Variants in RPSA2 observed in about 807,000 individuals in gnomAD.
RPSA2 encodes the protein small ribosomal subunit protein uS2B.
the RPSA2 span, among the ~76,000 whole-genome samples, chr19:23,847,153 T>C: frequency 6.6e-6 from 1 of 152,090 alleles, no homozygotes; most frequent in Non-Finnish European, 1.5e-5. Context: ...TATTGAATTT[T>C]TGAATGTATT....
chr19:23,870,153 C>T, the RPSA2 span, among the ~76,000 whole-genome samples: 77 of 152,324 alleles, frequency 5.1e-4, no homozygotes, highest in Middle Eastern at 3.4e-3. Context: ...GAGCCTCAGG[C>T]ATCATAATTT....
At chr19:23,833,059 T>C in the RPSA2 span, 1 of 1,332,194 alleles carries the variant, frequency 7.5e-7, no homozygotes, top group Non-Finnish European at 9.8e-7. Flanking sequence ...ACCCTACAAG[T>C]GTGAAGAATG....
chr19:23,759,004 G>A, the RPSA2 span: 7,699 of 568,422 alleles, frequency 0.014, 81 homozygotes, highest in Non-Finnish European at 0.016. Context: ...CACCCCTCAG[G>A]TCCTGAGTGA....
At chr19:23,811,660 T>A in the RPSA2 span, among the ~76,000 whole-genome samples, 1 of 150,458 alleles carries the variant, frequency 6.6e-6, no homozygotes. Context: ...AATTAGGTAA[T>A]TAGTATGCAG....
At chr19:23,868,426 A>G in the RPSA2 span, among the ~76,000 whole-genome samples, 1 of 152,256 alleles carries the variant, frequency 6.6e-6, no homozygotes, top group Admixed American at 6.5e-5. Flanking sequence ...AAACTTTCCT[A>G]CAGCTTTGGG....
the RPSA2 span, among the ~76,000 whole-genome samples, chr19:23,758,538 G>A: frequency 6.6e-6 from 1 of 152,190 alleles, no homozygotes; most frequent in Non-Finnish European, 1.5e-5. Context: ...AGAGAGAGCT[G>A]CAGGCCAGGA....
At chr19:23,849,049 G>C in the RPSA2 span, among the ~76,000 whole-genome samples, 1 of 152,218 alleles carries the variant, frequency 6.6e-6, no homozygotes, top group Non-Finnish European at 1.5e-5. Flanking sequence ...ATTCCTTCTT[G>C]AGCTCGAACC....
At chr19:23,833,034 T>C in the RPSA2 span, 1 of 1,377,794 alleles carries the variant, frequency 7.3e-7, no homozygotes, top group Non-Finnish European at 9.5e-7. Context: ...ATAAGAGAAT[T>C]CATACTGGAA....
chr19:23,791,621 A>G, the RPSA2 span, among the ~76,000 whole-genome samples: 2 of 152,202 alleles, frequency 1.3e-5, no homozygotes, highest in Admixed American at 6.5e-5. Flanking sequence ...GCTTACAGCA[A>G]AATACTAAAT....
chr19:23,843,875 G>A, the RPSA2 span, among the ~76,000 whole-genome samples: 3 of 151,922 alleles, frequency 2.0e-5, no homozygotes, highest in African/African-American at 7.3e-5. Flanking sequence ...TTCTCCCGCC[G>A]CAGCCTTCTG....
At chr19:23,856,656 G>T in the RPSA2 span, among the ~76,000 whole-genome samples, 2 of 152,096 alleles carry the variant, frequency 1.3e-5, no homozygotes, top group African/African-American at 4.8e-5. Flanking sequence ...TTTCAACATA[G>T]GTTCTTTCTA....
At chr19:23,835,977 AATTATAAGAATATAT>A in the RPSA2 span, among the ~76,000 whole-genome samples, 101 of 152,288 alleles carry the variant, frequency 6.6e-4, no homozygotes, top group African/African-American at 2.1e-3. Context: ...ACTGGTCTGT[AATTATAAGAATATAT>A]ATTTTTTTAA....
At chr19:23,774,212 A>T in the RPSA2 span, among the ~76,000 whole-genome samples, 2 of 152,214 alleles carry the variant, frequency 1.3e-5, no homozygotes, top group East Asian at 1.9e-4. Flanking sequence ...CACCCAGGTT[A>T]TGTGACTCTC....
At chr19:23,851,741 T>C in the RPSA2 span, among the ~76,000 whole-genome samples, 2 of 152,168 alleles carry the variant, frequency 1.3e-5, no homozygotes, top group South Asian at 4.1e-4. Context: ...GAGCCATCAG[T>C]GAACGCTGTA....
At chr19:23,804,949 A>G in the RPSA2 span, among the ~76,000 whole-genome samples, 12 of 151,940 alleles carry the variant, frequency 7.9e-5, no homozygotes, top group African/African-American at 2.9e-4. Context: ...TGACGAGTTC[A>G]AGATACATTT....
At chr19:23,784,429 G>A in the RPSA2 span, among the ~76,000 whole-genome samples, 5 of 152,214 alleles carry the variant, frequency 3.3e-5, no homozygotes, top group South Asian at 2.1e-4. Context: ...ACATCTGGCC[G>A]CAGTTGAGAT....
the RPSA2 span, among the ~76,000 whole-genome samples, chr19:23,774,413 C>T: frequency 6.6e-6 from 1 of 152,146 alleles, no homozygotes; most frequent in Non-Finnish European, 1.5e-5. Context: ...CCGTACCAAA[C>T]AAATGTGATT....
chr19:23,843,875 G>T, the RPSA2 span, among the ~76,000 whole-genome samples: 10 of 152,040 alleles, frequency 6.6e-5, no homozygotes, highest in East Asian at 7.7e-4. Flanking sequence ...TTCTCCCGCC[G>T]CAGCCTTCTG....
chr19:23,793,565 CT>C, the RPSA2 span, among the ~76,000 whole-genome samples: 36 of 145,880 alleles, frequency 2.5e-4, no homozygotes, highest in Admixed American at 8.9e-4. Context: ...AAGCAATCTT[CT>C]TTTTTTTTTT....
Sources: allele counts gnomAD v4.1 joint callset (sites outside exome capture counted in the v4.1 genomes callset), GRCh38; gene constraint gnomAD v4.1.1; transcripts MANE v1.5; gene names NCBI Gene and HGNC (gene_info 2026-07-23, HGNC 2026-07-21).